The following TENM2 variants were observed in gnomAD, a reference collection of about 807,000 sequenced individuals.
TENM2 encodes teneurin-2.
TENM2 carries 52 observed loss-of-function variants against 245.2 expected under a neutral mutation model. The ratio of observed to expected loss-of-function variants is 0.21; its 90% confidence interval spans 0.17 to 0.27. The LOEUF is 0.27. Ranked by LOEUF, TENM2 falls within the 10% of genes least tolerant of loss-of-function variation. TENM2 has a pLI of 1.00. For synonymous variants in TENM2, 1,363 were observed against 1,438.9 expected, an observed-to-expected ratio of 0.95 and a Z score of 1.19; for missense variants, 3,046 against 3,666.8, an observed-to-expected ratio of 0.83 and a Z score of 4.37.
chr5:167,268,925 G>GGT, the TENM2 span, among the ~76,000 whole-genome samples: 1 of 149,006 alleles, frequency 6.7e-6, no homozygotes, highest in Non-Finnish European at 1.5e-5. Flanking sequence ...TAGATAGATA[G>GGT]ATAGACAGAC....
intron 2 of TENM2, among the ~76,000 whole-genome samples, chr5:167,730,000 C>T (rs1030216340): frequency 5.3e-5 from 8 of 152,160 alleles, no homozygotes; most frequent in African/African-American, 9.7e-5. Flanking sequence ...AGAATTATTG[C>T]GTCTCCTTGA....
the TENM2 span, among the ~76,000 whole-genome samples, chr5:167,062,790 T>C: frequency 1.3e-5 from 2 of 152,172 alleles, no homozygotes; most frequent in South Asian, 4.1e-4. Flanking sequence ...GGAGTGACTA[T>C]GGGGCTTGGG....
At chr5:167,163,360 G>A in the TENM2 span, among the ~76,000 whole-genome samples, 2 of 152,108 alleles carry the variant, frequency 1.3e-5, no homozygotes, top group Non-Finnish European at 2.9e-5. Flanking sequence ...CAAAATGCTG[G>A]GATTACAGGC....
At chr5:168,092,131 G>A (rs1006666240) in intron 8 of TENM2, among the ~76,000 whole-genome samples, 2 of 152,184 alleles carry the variant, frequency 1.3e-5, no homozygotes, top group African/African-American at 2.4e-5. Flanking sequence ...ACTCTTCAAA[G>A]AGCTATGTAA....
chr5:167,260,641 G>A, the TENM2 span, among the ~76,000 whole-genome samples: 1 of 152,134 alleles, frequency 6.6e-6, no homozygotes, highest in African/African-American at 2.4e-5. Flanking sequence ...CAATGCTTGT[G>A]GAGCACTGTG....
At chr5:167,554,492 G>A (rs1773140363) in intron 2 of TENM2, among the ~76,000 whole-genome samples, 11 of 152,212 alleles carry the variant, frequency 7.2e-5, no homozygotes, top group Admixed American at 5.9e-4. Context: ...CCTGCTTTGA[G>A]GGTAGATGGA....
chr5:167,384,065 G>A (rs756146925), intron 2 of TENM2, among the ~76,000 whole-genome samples: 5 of 152,116 alleles, frequency 3.3e-5, no homozygotes, highest in African/African-American at 4.8e-5. Flanking sequence ...GGTAATGACC[G>A]TATGTGCTAA....
chr5:167,929,000 GAA>G (rs1410780834), intron 3 of TENM2, among the ~76,000 whole-genome samples: 1 of 133,274 alleles, frequency 7.5e-6, no homozygotes, highest in African/African-American at 2.8e-5. Flanking sequence ...GAAGGAGAGA[GAA>G]AGAGAGAAAA....
At chr5:167,466,975 G>A (rs148990906) in intron 2 of TENM2, among the ~76,000 whole-genome samples, 51 of 152,210 alleles carry the variant, frequency 3.4e-4, no homozygotes, top group African/African-American at 1.2e-3. Flanking sequence ...AGCATACAAC[G>A]AAACATAAGT....
chr5:167,773,342 C>T (rs1410889898), intron 2 of TENM2, among the ~76,000 whole-genome samples: 1 of 152,074 alleles, frequency 6.6e-6, no homozygotes, highest in Non-Finnish European at 1.5e-5. Context: ...TTAGTATTTC[C>T]TAGGGCGATG....
chr5:167,008,659 C>T, the TENM2 span, among the ~76,000 whole-genome samples: 33 of 152,204 alleles, frequency 2.2e-4, no homozygotes, highest in Admixed American at 1.3e-3. Flanking sequence ...CATGTTGAAA[C>T]GATTTTCTTC....
chr5:168,231,308 G>C (rs1280632996), intron 25 of TENM2, among the ~76,000 whole-genome samples: 2 of 152,232 alleles, frequency 1.3e-5, no homozygotes, highest in East Asian at 3.9e-4. Context: ...TCACAGAGGA[G>C]CTGGAATCAT....
the TENM2 span, among the ~76,000 whole-genome samples, chr5:167,145,642 C>A: frequency 1.3e-5 from 2 of 152,160 alleles, no homozygotes; most frequent in African/African-American, 4.8e-5. Context: ...TTATTATGAA[C>A]TGGGGCATTT....
chr5:168,013,763 C>A (rs1304417670), intron 5 of TENM2, among the ~76,000 whole-genome samples: 1 of 152,180 alleles, frequency 6.6e-6, no homozygotes, highest in Non-Finnish European at 1.5e-5. Context: ...TATCAAGGGA[C>A]CACACACTGA....
chr5:168,132,678 A>G (rs1754698244), intron 12 of TENM2, among the ~76,000 whole-genome samples: 1 of 152,230 alleles, frequency 6.6e-6, no homozygotes. Flanking sequence ...AAACTCATGG[A>G]TGAGAGTTAA....
At chr5:167,411,095 T>C (rs1023095185) in intron 2 of TENM2, among the ~76,000 whole-genome samples, 2 of 152,134 alleles carry the variant, frequency 1.3e-5, no homozygotes, top group Admixed American at 6.6e-5. Flanking sequence ...GGCTTTGTTA[T>C]TAGATGGAGA....
At chr5:168,226,157 A>G (rs1416293570) in exon 24 of TENM2, 1 of 1,613,580 alleles carries the variant, frequency 6.2e-7, no homozygotes, top group African/African-American at 1.3e-5. Context: ...TGCACCGGGA[A>G]ATGGAGAAAT....
intron 1 of TENM2, among the ~76,000 whole-genome samples, chr5:167,339,896 G>A (rs1261811277): frequency 2.0e-5 from 3 of 152,144 alleles, no homozygotes; most frequent in African/African-American, 7.2e-5. Flanking sequence ...CTCGTTACAC[G>A]CTGAATGCCA....
intron 2 of TENM2, among the ~76,000 whole-genome samples, chr5:167,710,025 C>A (rs907704071): frequency 6.6e-6 from 1 of 151,972 alleles, no homozygotes; most frequent in Non-Finnish European, 1.5e-5. Flanking sequence ...TCAGGCACCA[C>A]CCCCAAAAGA....
Sources: gnomAD v4.1 joint callset for allele counts (sites outside exome capture counted in the v4.1 genomes callset) on GRCh38, gnomAD v4.1.1 for gene constraint, MANE v1.5 for transcripts, NCBI Gene and HGNC (gene_info 2026-07-23, HGNC 2026-07-21) for gene names.